FRMD4A: variants seen among roughly 807,000 people sequenced by gnomAD.
The protein encoded by FRMD4A is FERM domain-containing protein 4A.
A neutral mutation model predicts 129.1 loss-of-function variants in FRMD4A; 29 were observed. That is an observed-to-expected ratio of 0.22 (90% CI 0.17 to 0.31). The LOEUF (loss-of-function observed/expected upper bound fraction) is 0.31, where lower values mean the gene tolerates loss of function less well. Ranked by LOEUF, FRMD4A falls within the 10% of genes least tolerant of loss-of-function variation. FRMD4A has a pLI of 1.00. For synonymous variants in FRMD4A, 634 were observed against 571.6 expected, an observed-to-expected ratio of 1.11 and a Z score of -1.56; for missense variants, 1,272 against 1,375.8, an observed-to-expected ratio of 0.92 and a Z score of 1.19.
intron 2 of FRMD4A, among the ~76,000 whole-genome samples, chr10:14,130,686 T>G (rs1839199763): frequency 6.6e-6 from 1 of 152,236 alleles, no homozygotes; most frequent in South Asian, 2.1e-4. Context: ...AAAAACGATG[T>G]GATGATCATC....
intron 2 of FRMD4A, among the ~76,000 whole-genome samples, chr10:14,251,882 CAT>C (rs1011133627): frequency 4.0e-5 from 6 of 149,928 alleles, no homozygotes; most frequent in African/African-American, 1.3e-4. Context: ...TGTGTGCACA[CAT>C]GTGCACACAC....
chr10:14,203,117 G>C (rs181144069), intron 2 of FRMD4A, among the ~76,000 whole-genome samples: 1 of 152,262 alleles, frequency 6.6e-6, no homozygotes, highest in Non-Finnish European at 1.5e-5. Flanking sequence ...GACACCTCCA[G>C]GGCCGTGTAG....
chr10:13,879,564 A>C lies in FRMD4A; in HGVS notation c.46-20652T>G, dbSNP rs547685310. Among the ~76,000 whole-genome samples, 5 of 152,314 alleles carry C rather than the reference A, an allele frequency of 3.3e-5. No homozygotes were observed. The East Asian group carries it at 9.6e-4, about 29-fold the overall frequency. On this transcript the variant is annotated intron_variant, in intron 2 of 24. Coordinates refer to ENST00000357447, the MANE Select transcript of FRMD4A (RefSeq NM_018027.5). ...AGAGAGACATTTCTTCCAAGTTATCAAAAAGACACCATCAGGAGCATGACA... is the reference window on the plus strand; with the variant it reads ...AGAGAGACATTTCTTCCAAGTTATCCAAAAGACACCATCAGGAGCATGACA...
intron 2 of FRMD4A, among the ~76,000 whole-genome samples, chr10:14,154,881 T>C (rs1218792323): frequency 6.6e-6 from 1 of 152,252 alleles, no homozygotes; most frequent in African/African-American, 2.4e-5. Flanking sequence ...AGTAAATCTC[T>C]AGTCTTTCTT....
chr10:14,228,088 G>T (rs1399479802), intron 2 of FRMD4A, among the ~76,000 whole-genome samples: 1 of 152,090 alleles, frequency 6.6e-6, no homozygotes, highest in Admixed American at 6.5e-5. Flanking sequence ...TGGCCAGGAT[G>T]GTCTCGATCT....
At chr10:13,660,932 T>C (rs1564543750) in intron 19 of FRMD4A, among the ~76,000 whole-genome samples, 2 of 152,222 alleles carry the variant, frequency 1.3e-5, no homozygotes, top group South Asian at 2.1e-4. Flanking sequence ...AGCATCTGAT[T>C]CACTGTGGGA....
chr10:14,210,931 C>G (rs1194936952), intron 2 of FRMD4A, among the ~76,000 whole-genome samples: 1 of 152,048 alleles, frequency 6.6e-6, no homozygotes, highest in African/African-American at 2.4e-5. Flanking sequence ...GTTTCACCGT[C>G]TTGACCAGGC....
At chr10:13,819,880 C>G (rs1007975656) in intron 3 of FRMD4A, among the ~76,000 whole-genome samples, 1 of 152,066 alleles carries the variant, frequency 6.6e-6, no homozygotes, top group Non-Finnish European at 1.5e-5. Context: ...TGCCACCACA[C>G]CCAGCTAATT....
intron 2 of FRMD4A, among the ~76,000 whole-genome samples, chr10:14,037,075 T>G (rs11819482): frequency 6.6e-6 from 1 of 152,156 alleles, no homozygotes; most frequent in Non-Finnish European, 1.5e-5. Context: ...TGGCAACCAC[T>G]TTTACATGCT....
chr10:13,989,101 T>C (rs73589158), intron 2 of FRMD4A, among the ~76,000 whole-genome samples: 6,240 of 152,194 alleles, frequency 0.041, 166 homozygotes, highest in Non-Finnish European at 0.05. Context: ...AGAAATATCT[T>C]AGAAGCAGAG....
At chr10:14,112,254 C>T (rs551777542) in intron 2 of FRMD4A, among the ~76,000 whole-genome samples, 1 of 152,172 alleles carries the variant, frequency 6.6e-6, no homozygotes, top group South Asian at 2.1e-4. Context: ...ATTTAATTCT[C>T]TAAGTAATTA....
intron 2 of FRMD4A, among the ~76,000 whole-genome samples, chr10:14,045,114 G>A (rs1015145802): frequency 2.0e-5 from 3 of 152,090 alleles, no homozygotes; most frequent in African/African-American, 7.2e-5. Flanking sequence ...TGTTGCCCTG[G>A]CTGGTCTTGA....
intron 2 of FRMD4A, among the ~76,000 whole-genome samples, chr10:13,948,949 C>T (rs1309750341): frequency 2.0e-5 from 3 of 152,066 alleles, no homozygotes; most frequent in Non-Finnish European, 2.9e-5. Context: ...TGCGCCCAGC[C>T]GAGAGGATTT....
chr10:14,309,666 GC>G (rs919889939), intron 2 of FRMD4A, among the ~76,000 whole-genome samples: 2 of 151,916 alleles, frequency 1.3e-5, no homozygotes, highest in Non-Finnish European at 1.5e-5. Flanking sequence ...CAGCCTCCAG[GC>G]CCCCCTCCTG....
intron 2 of FRMD4A, among the ~76,000 whole-genome samples, chr10:14,197,496 G>A (rs866065278): frequency 5.9e-5 from 9 of 152,158 alleles, no homozygotes; most frequent in Admixed American, 1.3e-4. Flanking sequence ...GAGTAGCTGG[G>A]ATTACAGGCG....
chr10:14,028,300 T>C (rs1833076255), intron 2 of FRMD4A, among the ~76,000 whole-genome samples: 2 of 152,230 alleles, frequency 1.3e-5, no homozygotes, highest in Admixed American at 1.3e-4. Flanking sequence ...TTGTTTCTTC[T>C]TCAAGACCTT....
intron 17 of FRMD4A, 56 bp downstream of exon 17, chr10:13,670,350 A>G: frequency 6.3e-7 from 1 of 1,580,794 alleles, no homozygotes; most frequent in Non-Finnish European, 8.7e-7. Flanking sequence ...AGGCCTGACC[A>G]ATGGGAAAAA....
At chr10:14,129,516 T>C (rs1019586883) in intron 2 of FRMD4A, among the ~76,000 whole-genome samples, 50 of 150,978 alleles carry the variant, frequency 3.3e-4, no homozygotes, top group African/African-American at 1.2e-3. Flanking sequence ...GACAGAAGCC[T>C]GACTTTAGAC....
intron 2 of FRMD4A, among the ~76,000 whole-genome samples, chr10:13,955,227 C>T (rs2095403124): frequency 6.7e-6 from 1 of 150,322 alleles, no homozygotes; most frequent in South Asian, 2.1e-4. Context: ...TGCACCTCAG[C>T]CTCCAGAGTA....
Sources: gnomAD v4.1 joint callset for allele counts (sites outside exome capture counted in the v4.1 genomes callset) on GRCh38, gnomAD v4.1.1 for gene constraint, MANE v1.5 for transcripts, NCBI Gene and HGNC (gene_info 2026-07-23, HGNC 2026-07-21) for gene names.